CACNA1S: variants seen among roughly 807,000 people sequenced by gnomAD.
The protein encoded by CACNA1S is calcium voltage-gated channel subunit alpha1 S.
Under a neutral mutation model 207.4 loss-of-function variants are expected in CACNA1S, and 126 were observed. The observed-to-expected ratio is 0.61, with a 90% CI of 0.53 to 0.70. The LOEUF is 0.70. CACNA1S is among the 30% of genes least tolerant of loss of function. The pLI, the probability that CACNA1S is intolerant of heterozygous loss-of-function variation, is 0.00. For synonymous variants in CACNA1S, 960 were observed against 932.7 expected (o/e 1.03, Z -0.53); for missense variants, 2,349 against 2,422.8 (o/e 0.97, Z 0.64).
chr1:201,073,745 G>T, intron 14 of CACNA1S, 103 bp from the exon 15 acceptor site: 2 of 925,576 alleles, frequency 2.2e-6, no homozygotes, highest in African/African-American at 1.6e-5. Flanking sequence ...GGCTCCAGGG[G>T]ATCTGTAGGA....
At chr1:201,062,546 G>T in intron 22 of CACNA1S, 32 bp from the exon 23 acceptor site, 1 of 1,585,962 alleles carries the variant, frequency 6.3e-7, no homozygotes, top group Non-Finnish European at 8.6e-7. Flanking sequence ...GAGGGAGGGA[G>T]GCATGTTGTC....
intron 13 of CACNA1S, 48 bp from the exon 14 acceptor site, chr1:201,074,668 C>G (rs1481075631): frequency 8.1e-7 from 1 of 1,236,042 alleles, no homozygotes; most frequent in African/African-American, 1.5e-5. Flanking sequence ...GGAAGGGAGC[C>G]TGCAGGGCAG....
At chr1:201,051,801 T>C (rs144547418) in intron 32 of CACNA1S, among the ~76,000 whole-genome samples, 13 of 152,256 alleles carry the variant, frequency 8.5e-5, no homozygotes, top group African/African-American at 3.1e-4. Flanking sequence ...GCTCCCTTCC[T>C]TCCTAGAGCA....
At chr1:201,095,796 G>A (rs186460864) in intron 2 of CACNA1S, among the ~76,000 whole-genome samples, 29 of 152,314 alleles carry the variant, frequency 1.9e-4, no homozygotes, top group South Asian at 8.3e-4. Context: ...CTGCTCCAAG[G>A]AGGAGAGCTG....
chr1:201,040,096 A>C lies in CACNA1S; in HGVS notation c.5371-14T>G. 6.2e-7 allele frequency: 1 copy of C among 1,613,958 alleles called. No homozygotes were observed. The highest frequency in any genetic ancestry group is 1.1e-5 in the South Asian group (1 of 91,090). On this transcript the variant is annotated splice_polypyrimidine_tract_variant and intron_variant, in intron 43 of 43. Transcript: ENST00000362061. ...TCGAACCAGAGCCTGCAGGGAGGAGAGTAGGCTGAGTGGGGTCTTCCTGGG... is the reference window on the plus strand; with the variant it reads ...TCGAACCAGAGCCTGCAGGGAGGAGCGTAGGCTGAGTGGGGTCTTCCTGGG...
chr1:201,057,560 G>A (rs1660890618), intron 28 of CACNA1S, among the ~76,000 whole-genome samples: 1 of 152,220 alleles, frequency 6.6e-6, no homozygotes, highest in South Asian at 2.1e-4. Context: ...CACATGGGAG[G>A]TACTCAGTAC....
At chr1:201,075,327 C>T (rs1353472965) in intron 13 of CACNA1S, among the ~76,000 whole-genome samples, 168 bp downstream of exon 13, 1 of 152,210 alleles carries the variant, frequency 6.6e-6, no homozygotes, top group African/African-American at 2.4e-5. Context: ...TATCCTACAG[C>T]TGTACCTGCA....
At position 201,110,248 on chromosome 1, in the gene CACNA1S, C is replaced by T; in HGVS notation, c.174G>A (p.Leu58=). 6.2e-7 allele frequency: 1 copy of T among 1,614,232 alleles called. No homozygotes were observed. Among genetic ancestry groups the T allele is most frequent in the Non-Finnish European group, 8.5e-7 (1 of 1,180,036 alleles). The change falls in exon 2 of 44, where the codon TTG becomes TTA. Residue 58 remains leucine (L), a synonymous_variant. Coordinates refer to ENST00000362061, the MANE Select transcript of CACNA1S (RefSeq NM_000069.3). Reference sequence around the variant, plus strand: ...CCACACAATTGGCAAAGATGGTGAGCAAGATGATCGTCTCGAAGGGCCTGG... The same window carrying T: ...CCACACAATTGGCAAAGATGGTGAGTAAGATGATCGTCTCGAAGGGCCTGG... ...VEWKPFETII[L]LTIFANCVAL...
At chr1:201,090,803 T>C (rs1042874944) in intron 5 of CACNA1S, among the ~76,000 whole-genome samples, 1 of 152,214 alleles carries the variant, frequency 6.6e-6, no homozygotes, top group Non-Finnish European at 1.5e-5. Context: ...CAGAAGTTGA[T>C]GTGAGAGTCC....
intron 2 of CACNA1S, among the ~76,000 whole-genome samples, chr1:201,104,262 C>G (rs556879177): frequency 6.6e-6 from 1 of 152,324 alleles, no homozygotes; most frequent in African/African-American, 2.4e-5. Flanking sequence ...GCCTCTACCC[C>G]ACTAGATGCT....
intron 32 of CACNA1S, among the ~76,000 whole-genome samples, chr1:201,051,475 T>C (rs1016202204): frequency 5.9e-5 from 9 of 152,202 alleles, no homozygotes. Flanking sequence ...AGAGATTAAC[T>C]GACTCCACTC....
intron 7 of CACNA1S, among the ~76,000 whole-genome samples, chr1:201,086,606 T>C (rs1662047465): frequency 6.6e-6 from 1 of 152,242 alleles, no homozygotes; most frequent in Admixed American, 6.5e-5. Flanking sequence ...GAAGGTACAG[T>C]AAAGATACAA....
chr1:201,044,491 GC>G, intron 38 of CACNA1S, 35 bp from the exon 39 acceptor site: 1 of 1,606,748 alleles, frequency 6.2e-7, no homozygotes. Context: ...TATCTCTCCA[GC>G]CCAGGAGAGG....
At chr1:201,107,227 G>A (rs1271716561) in intron 2 of CACNA1S, among the ~76,000 whole-genome samples, 3 of 152,224 alleles carry the variant, frequency 2.0e-5, no homozygotes, top group Admixed American at 6.5e-5. Context: ...CAAATGTGGG[G>A]CCCTTCTGAG....
chr1:201,069,916 A>C (rs540248912), intron 17 of CACNA1S, among the ~76,000 whole-genome samples: 3 of 152,328 alleles, frequency 2.0e-5, no homozygotes, highest in African/African-American at 7.2e-5. Context: ...TCCATGAGGC[A>C]GACAGATGAA....
At chr1:201,068,386 G>GTGCCTGCCGCCA (rs1661325807) in intron 19 of CACNA1S, among the ~76,000 whole-genome samples, 1 of 150,830 alleles carries the variant, frequency 6.6e-6, no homozygotes, top group Non-Finnish European at 1.5e-5. Flanking sequence ...GGGATTACAG[G>GTGCCTGCCGCCA]TGCCTGCCGC....
At position 201,050,427 on chromosome 1, in the gene CACNA1S, C is replaced by G; in HGVS notation, c.4203G>C (p.Glu1401Asp). The G allele has an allele frequency of 6.2e-7, 1 of 1,614,126 alleles. No homozygotes were observed. Among genetic ancestry groups the G allele is most frequent in the South Asian group, 1.1e-5 (1 of 91,084 alleles). Residue 1401 changes from glutamate to aspartate, a missense_variant, in exon 34 of 44, where the codon GAG (glutamate) becomes GAC (aspartate). By Grantham distance (45) the Glu-to-Asp change is conservative. Coordinates refer to ENST00000362061, the MANE Select transcript of CACNA1S (RefSeq NM_000069.3). ...WSILGPHHLD[E>D]FKAIWAEYDP... is the part of the protein sequence containing the mutation. ...CATACTCTGCCCAGATGGCCTTGAA[C>G]TCATCCAGGTGATGAGGGCCCAGGA... is the stretch of plus-strand genomic sequence containing the variant.
At chr1:201,102,587 A>G (rs1318489380) in intron 2 of CACNA1S, among the ~76,000 whole-genome samples, 2 of 152,234 alleles carry the variant, frequency 1.3e-5, no homozygotes, top group East Asian at 3.9e-4. Flanking sequence ...CACGCATCCC[A>G]GTCTGTGCGG....
Position 201,040,059 on chromosome 1 carries a change from G to C in CACNA1S, c.5394C>G (p.Gly1798=). The C allele has an allele frequency of 6.2e-7, 1 of 1,614,206 alleles. No homozygotes were observed. The highest frequency in any genetic ancestry group is 1.7e-5 in the Admixed American group (1 of 60,032). ...TGAAGTTTGCATCAGCTGCCAAGGTGCCCAGGCCCCCTCGAACCAGAGCCT... is the reference window on the plus strand; with the variant it reads ...TGAAGTTTGCATCAGCTGCCAAGGTCCCCAGGCCCCCTCGAACCAGAGCCT... The part of the protein sequence containing the change: ...IQKALVRGGL[G]TLAADANFIM... The change falls in exon 44 of 44, where the codon GGC becomes GGG. Residue 1798 remains glycine, a synonymous_variant. Transcript: ENST00000362061.
Sources: allele counts gnomAD v4.1 joint callset (sites outside exome capture counted in the v4.1 genomes callset), GRCh38; gene constraint gnomAD v4.1.1; transcripts MANE v1.5; gene names NCBI Gene and HGNC (gene_info 2026-07-23, HGNC 2026-07-21).